AFF3: variants seen among roughly 807,000 people sequenced by gnomAD.
AFF3 encodes the protein AF4/FMR2 family member 3.
A neutral mutation model predicts 129.7 loss-of-function variants in AFF3; 32 were observed. The ratio of observed to expected loss-of-function variants is 0.25; its 90% confidence interval spans 0.19 to 0.33. The LOEUF is 0.33. Ranked by LOEUF, AFF3 falls within the 10% of genes least tolerant of loss-of-function variation. The probability of loss-of-function intolerance (pLI) is 1.00; values close to 1 mark genes in which losing one functional copy is unlikely to be tolerated. For synonymous variants in AFF3, 644 were observed against 635.4 expected (o/e 1.01, Z -0.20); for missense variants, 1,373 against 1,592.0 (o/e 0.86, Z 2.34).
chr2:99,634,730 T>G (rs1683454347), intron 13 of AFF3, among the ~76,000 whole-genome samples: 1 of 152,100 alleles, frequency 6.6e-6, no homozygotes, highest in Non-Finnish European at 1.5e-5. Context: ...CATTGCACTT[T>G]TCAAGTTTTT....
intron 7 of AFF3, among the ~76,000 whole-genome samples, chr2:99,883,220 C>T (rs1043054988): frequency 3.3e-5 from 5 of 152,156 alleles, no homozygotes; most frequent in Admixed American, 1.3e-4. Flanking sequence ...TATGAATTCA[C>T]ACCAATACGA....
intron 8 of AFF3, among the ~76,000 whole-genome samples, chr2:99,831,514 T>C (rs1312213743): frequency 6.6e-6 from 1 of 152,166 alleles, no homozygotes; most frequent in East Asian, 1.9e-4. Context: ...GTTAAGTGTT[T>C]GGGGAATTTA....
intron 7 of AFF3, among the ~76,000 whole-genome samples, chr2:99,932,931 AAT>A (rs758987761): frequency 2.0e-5 from 3 of 152,194 alleles, no homozygotes; most frequent in Non-Finnish European, 2.9e-5. Context: ...CAGTTTCAAT[AAT>A]ATGTTTTTTT....
intron 4 of AFF3, among the ~76,000 whole-genome samples, chr2:100,060,284 A>C (rs1207215463): frequency 6.6e-6 from 1 of 152,242 alleles, no homozygotes; most frequent in Non-Finnish European, 1.5e-5. Context: ...GTGTTACCTC[A>C]TTAGTCACTC....
intron 7 of AFF3, among the ~76,000 whole-genome samples, chr2:99,869,751 T>C (rs1691727376): frequency 6.6e-6 from 1 of 152,106 alleles, no homozygotes; most frequent in Non-Finnish European, 1.5e-5. Context: ...TACAAAACCT[T>C]GTTCCAAAGG....
At chr2:99,772,541 G>A (rs994714826) in intron 8 of AFF3, among the ~76,000 whole-genome samples, 1 of 152,148 alleles carries the variant, frequency 6.6e-6, no homozygotes, top group Non-Finnish European at 1.5e-5. Flanking sequence ...AGATCTTAAT[G>A]TTTTCAGACT....
At chr2:100,043,613 A>G (rs910389013) in intron 4 of AFF3, among the ~76,000 whole-genome samples, 3 of 152,268 alleles carry the variant, frequency 2.0e-5, no homozygotes, top group African/African-American at 7.2e-5. Flanking sequence ...AAAAAGTTTC[A>G]TAATGCAGGA....
chr2:100,097,970 TCTTC>T lies in AFF3; in HGVS notation c.53+6428_53+6431del, dbSNP rs541848516. On this transcript the variant is annotated intron_variant, in intron 4 of 24. Transcript: ENST00000672756. ...CTGACCTTATGCGGCCTTTCTGTAT[TCTTC>T]CTTGTTTATGAAAAAGAGACATTTT... 3.7e-4 allele frequency among the ~76,000 whole-genome samples: 54 copies of T among 146,904 alleles called. No individual in the cohort carries two copies. In the East Asian group the frequency reaches 0.01, roughly 27 times the overall value.
At chr2:99,701,313 G>A (rs1371965501) in intron 11 of AFF3, among the ~76,000 whole-genome samples, 1 of 152,136 alleles carries the variant, frequency 6.6e-6, no homozygotes, top group African/African-American at 2.4e-5. Context: ...GAAGCAAAAA[G>A]GAAAGAACGT....
intron 11 of AFF3, among the ~76,000 whole-genome samples, chr2:99,681,701 A>T (rs1205295305): frequency 1.3e-5 from 2 of 152,200 alleles, no homozygotes; most frequent in Non-Finnish European, 2.9e-5. Flanking sequence ...GTTTCTCAAC[A>T]GACACCACAT....
chr2:99,765,187 G>C (rs1274181246), intron 8 of AFF3, among the ~76,000 whole-genome samples: 1 of 152,174 alleles, frequency 6.6e-6, no homozygotes. Context: ...CAGACAAATA[G>C]ATGATCGTTG....
chr2:100,063,461 T>C (rs936293246), intron 4 of AFF3, among the ~76,000 whole-genome samples: 1 of 152,004 alleles, frequency 6.6e-6, no homozygotes, highest in Non-Finnish European at 1.5e-5. Context: ...ACTAAAACTT[T>C]TTAAAATAAA....
chr2:100,123,774 C>T (rs2105564955), intron 2 of AFF3, among the ~76,000 whole-genome samples: 1 of 152,242 alleles, frequency 6.6e-6, no homozygotes, highest in South Asian at 2.1e-4. Context: ...AAACATAGAC[C>T]TGCTAACAGT....
chr2:99,740,765 G>T (rs2105111959), intron 10 of AFF3, among the ~76,000 whole-genome samples: 1 of 150,864 alleles, frequency 6.6e-6, no homozygotes, highest in South Asian at 2.1e-4. Flanking sequence ...TTTGTAGGTT[G>T]CCTGTTCACT....
intron 7 of AFF3, among the ~76,000 whole-genome samples, chr2:99,865,256 T>C (rs1394838711): frequency 2.6e-5 from 4 of 152,172 alleles, no homozygotes; most frequent in South Asian, 4.1e-4. Context: ...AAAGCAACAG[T>C]TGGACGATCT....
At chr2:99,584,025 A>G (rs1302547132) in intron 16 of AFF3, among the ~76,000 whole-genome samples, 1 of 152,204 alleles carries the variant, frequency 6.6e-6, no homozygotes, top group African/African-American at 2.4e-5. Flanking sequence ...TTCTAAAAAG[A>G]CTTTTGCTAT....
At chr2:100,117,330 T>C (rs1196286107) in intron 2 of AFF3, among the ~76,000 whole-genome samples, 2 of 152,220 alleles carry the variant, frequency 1.3e-5, no homozygotes, top group Non-Finnish European at 2.9e-5. Context: ...TACATTTTTG[T>C]CTTTTGAAAG....
Position 99,938,883 on chromosome 2 carries a change from T to C in AFF3, c.873+67749A>G, listed in dbSNP as rs545010951. 1.9e-3 allele frequency among the ~76,000 whole-genome samples: 286 copies of C among 152,330 alleles called. 1 individual carries two copies. The highest frequency in any genetic ancestry group is 6.5e-3 in the African/African-American group (272 of 41,566). ...ACTTGTCAGAGACAGAGAGATTCTA[T>C]GGCCTTTATACATGCAGCCCCTCTG... On this transcript the variant is annotated intron_variant, in intron 7 of 24. Coordinates refer to ENST00000672756, the MANE Select transcript of AFF3 (RefSeq NM_001386135.1).
chr2:100,104,795 T>TGCGGCGGCGCCGCC (rs1559128018), intron 3 of AFF3: 11 of 721,754 alleles, frequency 1.5e-5, no homozygotes, highest in Non-Finnish European at 1.7e-5. Flanking sequence ...GGCCCGCTGC[T>TGCGGCGGCGCCGCC]GCAGCCGCCG....
Sources: gnomAD v4.1 joint callset for allele counts (sites outside exome capture counted in the v4.1 genomes callset) on GRCh38, gnomAD v4.1.1 for gene constraint, MANE v1.5 for transcripts, NCBI Gene and HGNC (gene_info 2026-07-23, HGNC 2026-07-21) for gene names.